The following GAST variants were observed in gnomAD, a reference collection of about 807,000 sequenced individuals.
The protein encoded by GAST is preprogastrin.
In GAST, 9 loss-of-function variants were observed where a neutral mutation model predicts 12.5. The ratio of observed to expected loss-of-function variants is 0.72; its 90% confidence interval spans 0.43 to 1.25. GAST has a LOEUF of 1.25. GAST is among the 50% of genes most tolerant of loss of function. The pLI is 0.00. For missense variants in GAST, 121 were observed against 127.7 expected, an observed-to-expected ratio of 0.95 and a Z score of 0.25; for synonymous variants, 52 against 51.1, an observed-to-expected ratio of 1.02 and a Z score of -0.08.
chr17:41,715,536 T>G lies in GAST; in HGVS notation c.100T>G (p.Leu34Val). 1 of 1,613,580 alleles carries G rather than the reference T, an allele frequency of 6.2e-7. No homozygotes were observed. The highest frequency in any genetic ancestry group is 8.5e-7 in the Non-Finnish European group (1 of 1,180,026). Residue 34 changes from leucine (L) to valine (V), a missense_variant, in exon 2 of 3, where the codon TTA (leucine) becomes GTA (valine). By Grantham distance (32) the Leu-to-Val change is conservative. Transcript: ENST00000329402. ...KPRSQQPDAP[L>V]GTGANRDLEL... is the part of the protein sequence containing the mutation. ...CCGCTCCCAGCAGCCAGATGCACCC[T>G]TAGGTACAGGGGCCAACAGGGACCT...
rs940403935 is a variant in GAST at position 41,713,337 on chromosome 17, C to G, written c.-6+950C>G. Among the ~76,000 whole-genome samples, 84 of 152,298 alleles carry G rather than the reference C, an allele frequency of 5.5e-4. 1 individual carries two copies. Among genetic ancestry groups the G allele is most frequent in the African/African-American group, 1.9e-3 (79 of 41,558 alleles). ...AGCTCCAGATCACTGATTTTTCAAACATTTCTTCAGCAGCAGAATTCTTTT... is the reference window on the plus strand; with the variant it reads ...AGCTCCAGATCACTGATTTTTCAAAGATTTCTTCAGCAGCAGAATTCTTTT... On this transcript the variant is annotated intron_variant, in intron 1 of 2. Transcript: ENST00000329402.
intron 1 of GAST, 45 bp from the exon 2 acceptor site, chr17:41,715,387 T>C: frequency 6.7e-7 from 1 of 1,497,384 alleles, no homozygotes; most frequent in Non-Finnish European, 9.2e-7. Flanking sequence ...TGGGCCTCTG[T>C]GGGGACAGCC....
intron 1 of GAST, among the ~76,000 whole-genome samples, chr17:41,713,164 C>T (rs140471035): frequency 0.025 from 3,769 of 152,026 alleles, 159 homozygotes; most frequent in African/African-American, 0.086. Context: ...TGATCCAACC[C>T]CCTCAGCCTC....
chr17:41,715,336 C>A, intron 1 of GAST, 96 bp from the exon 2 acceptor site: 1 of 822,776 alleles, frequency 1.2e-6, no homozygotes, highest in Non-Finnish European at 2.0e-6. Flanking sequence ...CACTCATCAG[C>A]AGGTAGAGGC....
In GAST at chr17:41,715,523, G is replaced by C; in HGVS notation, c.87G>C (p.Gln29His). ...SEASWKPRSQQPDAPLGTGAN... is the reference protein window; with the variant it reads ...SEASWKPRSQHPDAPLGTGAN... The stretch of plus-strand genomic sequence containing the variant: ...CTTCTTGGAAGCCCCGCTCCCAGCA[G>C]CCAGATGCACCCTTAGGTACAGGGG... The change falls in exon 2 of 3, where the codon CAG becomes CAC. Residue 29 changes from glutamine to histidine, a missense_variant. Gln to His is a conservative substitution (Grantham distance 24). Transcript: ENST00000329402. 6.2e-7 allele frequency: 1 copy of C among 1,613,672 alleles called. No individual in the cohort carries two copies. Among genetic ancestry groups the C allele is most frequent in the Non-Finnish European group, 8.5e-7 (1 of 1,180,028 alleles).
At chr17:41,712,922 T>TTTG (rs144731510) in intron 1 of GAST, among the ~76,000 whole-genome samples, 3,587 of 152,112 alleles carry the variant, frequency 0.024, 142 homozygotes, top group African/African-American at 0.082. Context: ...TAAGGAAGTT[T>TTTG]TTGTTGTTGT....
At chr17:41,713,437 T>C (rs1330545837) in intron 1 of GAST, among the ~76,000 whole-genome samples, 1 of 152,124 alleles carries the variant, frequency 6.6e-6, no homozygotes, top group African/African-American at 2.4e-5. Context: ...ATGCCTGTGA[T>C]CACAACACTT....
At chr17:41,712,979 G>A (rs1250246251) in intron 1 of GAST, among the ~76,000 whole-genome samples, 2 of 152,074 alleles carry the variant, frequency 1.3e-5, no homozygotes, top group East Asian at 3.9e-4. Flanking sequence ...ACCCAGGCTG[G>A]AGTGCAGTGA....
intron 1 of GAST, among the ~76,000 whole-genome samples, 192 bp downstream of exon 1, chr17:41,712,579 C>T (rs990186538): frequency 2.6e-5 from 4 of 152,212 alleles, no homozygotes; most frequent in Non-Finnish European, 5.9e-5. Context: ...CCCAACCTTG[C>T]CTTCCACCTG....
chr17:41,713,442 A>C (rs1385926600), intron 1 of GAST, among the ~76,000 whole-genome samples: 4 of 152,130 alleles, frequency 2.6e-5, no homozygotes, highest in Non-Finnish European at 5.9e-5. Context: ...TGTGATCACA[A>C]CACTTTGGGA....
At chr17:41,712,786 C>T (rs1182842140) in intron 1 of GAST, among the ~76,000 whole-genome samples, 8 of 152,338 alleles carry the variant, frequency 5.3e-5, no homozygotes, top group East Asian at 1.9e-4. Context: ...TCCTGGATCC[C>T]ACTTCAAGCC....
At chr17:41,715,168 C>T (rs1202462225) in intron 1 of GAST, among the ~76,000 whole-genome samples, 1 of 152,024 alleles carries the variant, frequency 6.6e-6, no homozygotes, top group Non-Finnish European at 1.5e-5. Flanking sequence ...GGCATGGTGG[C>T]ACGTGCCTAT....
At chr17:41,712,870 T>C (rs1910884348) in intron 1 of GAST, among the ~76,000 whole-genome samples, 1 of 152,154 alleles carries the variant, frequency 6.6e-6, no homozygotes, top group Admixed American at 6.6e-5. Flanking sequence ...CTGTTCAATA[T>C]GGTAGCCACT....
At chr17:41,714,339 A>G (rs906733796) in intron 1 of GAST, among the ~76,000 whole-genome samples, 3 of 151,986 alleles carry the variant, frequency 2.0e-5, no homozygotes, top group Non-Finnish European at 4.4e-5. Flanking sequence ...TGCCTGGCTA[A>G]TTTTTGTATT....
intron 1 of GAST, among the ~76,000 whole-genome samples, chr17:41,714,436 G>A (rs1179223924): frequency 2.0e-5 from 3 of 152,104 alleles, no homozygotes; most frequent in Non-Finnish European, 4.4e-5. Flanking sequence ...GCCTCCCAAA[G>A]TGCTGGGATT....
At chr17:41,714,688 T>C (rs1555585594) in intron 1 of GAST, among the ~76,000 whole-genome samples, 2 of 152,052 alleles carry the variant, frequency 1.3e-5, no homozygotes, top group Non-Finnish European at 2.9e-5. Flanking sequence ...GGTGGGAGGA[T>C]CACCTGAGCC....
intron 1 of GAST, among the ~76,000 whole-genome samples, chr17:41,712,982 T>C (rs1485615694): frequency 6.6e-6 from 1 of 151,950 alleles, no homozygotes; most frequent in Non-Finnish European, 1.5e-5. Context: ...CAGGCTGGAG[T>C]GCAGTGACAT....
rs140105651 is a variant in GAST at position 41,715,028 on chromosome 17, G to A, written c.-5-404G>A. Among the ~76,000 whole-genome samples the A allele has an allele frequency of 7.2e-3, 1,095 of 152,186 alleles. 12 individuals are homozygous for A. The highest frequency in any genetic ancestry group is 0.025 in the African/African-American group (1,025 of 41,516). On this transcript the variant is annotated intron_variant, in intron 1 of 2. Coordinates refer to ENST00000329402, the MANE Select transcript of GAST (RefSeq NM_000805.5). ...CAGAATTGCAGACTCACCCGGGTGCGGTGGCTCATGCCTGTAATCCCAGCA... is the reference window on the plus strand; with the variant it reads ...CAGAATTGCAGACTCACCCGGGTGCAGTGGCTCATGCCTGTAATCCCAGCA...
intron 1 of GAST, among the ~76,000 whole-genome samples, chr17:41,713,522 C>G (rs1229675849): frequency 2.0e-5 from 3 of 152,010 alleles, no homozygotes; most frequent in Non-Finnish European, 4.4e-5. Context: ...GAGACCTCAT[C>G]TCTACTAAAA....
Sources: gnomAD v4.1 joint callset for allele counts (sites outside exome capture counted in the v4.1 genomes callset) on GRCh38, gnomAD v4.1.1 for gene constraint, MANE v1.5 for transcripts, NCBI Gene and HGNC (gene_info 2026-07-23, HGNC 2026-07-21) for gene names.